DLGAP2: variants seen among roughly 807,000 people sequenced by gnomAD.
The protein encoded by DLGAP2 is disks large-associated protein 2.
Under a neutral mutation model 100.3 loss-of-function variants are expected in DLGAP2, and 26 were observed. The observed-to-expected ratio is 0.26, with a 90% CI of 0.19 to 0.36. DLGAP2 has a LOEUF of 0.36. DLGAP2 is among the 10% of genes least tolerant of loss of function. DLGAP2 has a pLI of 1.00. For missense variants in DLGAP2, 1,858 were observed against 1,453.2 expected (o/e 1.28, Z -4.53); for synonymous variants, 886 against 630.1 (o/e 1.41, Z -6.08).
intron 2 of DLGAP2, among the ~76,000 whole-genome samples, chr8:1,198,801 C>A (rs1309393938): frequency 1.3e-5 from 2 of 152,236 alleles, no homozygotes; most frequent in East Asian, 1.9e-4. Context: ...GTGAGCCCTA[C>A]AGCAGGGGGA....
At chr8:1,554,777 C>A (rs950150115) in intron 5 of DLGAP2, among the ~76,000 whole-genome samples, 13 of 151,944 alleles carry the variant, frequency 8.6e-5, no homozygotes, top group East Asian at 1.9e-4. Flanking sequence ...CCAGCCCCCC[C>A]TCCCCCGCGC....
chr8:1,430,893 A>G (rs1025912058), intron 3 of DLGAP2, among the ~76,000 whole-genome samples: 1 of 152,238 alleles, frequency 6.6e-6, no homozygotes, highest in African/African-American at 2.4e-5. Context: ...TGAATGAATA[A>G]TGAAAAGATC....
chr8:1,583,599 T>G (rs571615121), intron 6 of DLGAP2, among the ~76,000 whole-genome samples: 1 of 152,302 alleles, frequency 6.6e-6, no homozygotes, highest in East Asian at 1.9e-4. Flanking sequence ...TGAAAGACCC[T>G]TCAGAGCCAC....
intron 1 of DLGAP2, chr8:822,159 C>G (rs1796595566): frequency 5.0e-6 from 2 of 399,590 alleles, no homozygotes; most frequent in Non-Finnish European, 8.8e-6. Flanking sequence ...AACCCTCTGC[C>G]TGCGCCCAGC....
intron 6 of DLGAP2, among the ~76,000 whole-genome samples, chr8:1,573,427 A>T: frequency 6.7e-6 from 1 of 148,518 alleles, no homozygotes; most frequent in East Asian, 2.0e-4. Context: ...TGAGATGGAG[A>T]GGAGAGAAGG....
intron 2 of DLGAP2, among the ~76,000 whole-genome samples, chr8:1,062,785 G>A (rs2129035497): frequency 6.6e-6 from 1 of 152,286 alleles, no homozygotes; most frequent in South Asian, 2.1e-4. Flanking sequence ...TAATTGCCAG[G>A]AGGCTTTGGG....
chr8:805,426 C>G (rs550721289), intron 1 of DLGAP2, among the ~76,000 whole-genome samples: 5 of 152,170 alleles, frequency 3.3e-5, no homozygotes, highest in South Asian at 4.2e-4. Context: ...GGGGCCACTA[C>G]GTTTTTATGT....
chr8:814,363 T>A (rs1796424799), intron 1 of DLGAP2, among the ~76,000 whole-genome samples: 1 of 152,202 alleles, frequency 6.6e-6, no homozygotes, highest in South Asian at 2.1e-4. Flanking sequence ...GGATTTTACC[T>A]GAGTAATTCA....
chr8:1,174,784 A>G (rs1585122967), intron 2 of DLGAP2, among the ~76,000 whole-genome samples: 1 of 152,148 alleles, frequency 6.6e-6, no homozygotes, highest in South Asian at 2.1e-4. Flanking sequence ...CATCATCACC[A>G]CCATCATTAT....
chr8:865,047 T>C (rs1466727904), intron 1 of DLGAP2, among the ~76,000 whole-genome samples: 1 of 152,212 alleles, frequency 6.6e-6, no homozygotes, highest in Non-Finnish European at 1.5e-5. Flanking sequence ...ATTCTCAGAT[T>C]TGGAAATGAT....
At chr8:1,463,573 G>A (rs549201051) in intron 3 of DLGAP2, among the ~76,000 whole-genome samples, 16 of 152,364 alleles carry the variant, frequency 1.1e-4, no homozygotes, top group Admixed American at 6.5e-4. Context: ...CCGGCCTCGC[G>A]TTGAGGGGTC....
At chr8:922,310 C>T (rs753648878) in intron 2 of DLGAP2, among the ~76,000 whole-genome samples, 1 of 152,082 alleles carries the variant, frequency 6.6e-6, no homozygotes, top group Non-Finnish European at 1.5e-5. Context: ...GTGCTAATTG[C>T]GGTAAAGGGA....
At chr8:1,201,682 G>T (rs1339618335) in intron 2 of DLGAP2, among the ~76,000 whole-genome samples, 3 of 152,216 alleles carry the variant, frequency 2.0e-5, no homozygotes, top group African/African-American at 7.2e-5. Flanking sequence ...CCTGTGACGT[G>T]GTCCAGGCCG....
chr8:1,350,676 G>GAC (rs1171423008), intron 3 of DLGAP2, among the ~76,000 whole-genome samples: 2 of 109,904 alleles, frequency 1.8e-5, no homozygotes, highest in African/African-American at 3.6e-5. Context: ...TGCGGGTCCT[G>GAC]AGTGTGCGTG....
intron 8 of DLGAP2, among the ~76,000 whole-genome samples, chr8:1,657,961 C>G (rs1798321341): frequency 6.6e-6 from 1 of 152,074 alleles, no homozygotes; most frequent in Non-Finnish European, 1.5e-5. Context: ...AAAAGACTTC[C>G]TTATGCTGAG....
intron 1 of DLGAP2, among the ~76,000 whole-genome samples, chr8:792,719 T>G (rs1257558030): frequency 1.3e-5 from 2 of 152,230 alleles, no homozygotes; most frequent in African/African-American, 4.8e-5. Flanking sequence ...ATCAAATGCT[T>G]ATTTGGTATC....
At chr8:1,212,097 GATGTGCAGTGACTCAGAGAATATCGA>G (rs1382640747) in intron 2 of DLGAP2, among the ~76,000 whole-genome samples, 1 of 152,112 alleles carries the variant, frequency 6.6e-6, no homozygotes, top group Non-Finnish European at 1.5e-5. Context: ...TAAACCTGGG[GATGTGCAGTGACTCAGAGAATATCGA>G]ATGTGCAGAA....
chr8:1,285,412 G>A (rs544045481), intron 3 of DLGAP2, among the ~76,000 whole-genome samples: 89 of 152,262 alleles, frequency 5.8e-4, no homozygotes, highest in African/African-American at 1.9e-3. Flanking sequence ...AAGACTGTGC[G>A]TTTAGATTAG....
chr8:1,060,167 C>G (rs573418215), intron 2 of DLGAP2, among the ~76,000 whole-genome samples: 48 of 152,260 alleles, frequency 3.2e-4, no homozygotes, highest in Admixed American at 3.1e-3. Context: ...TGGCTGCATC[C>G]GTTTCCCGTG....
Sources: allele counts gnomAD v4.1 joint callset (sites outside exome capture counted in the v4.1 genomes callset), GRCh38; gene constraint gnomAD v4.1.1; transcripts MANE v1.5; gene names NCBI Gene and HGNC (gene_info 2026-07-23, HGNC 2026-07-21).